The following FAAH2 variants were observed in gnomAD, a reference collection of about 807,000 sequenced individuals.
FAAH2 encodes fatty acid amide hydrolase 2.
FAAH2 carries 60 observed loss-of-function variants against 36.9 expected under a neutral mutation model. The observed-to-expected ratio is 1.63, with a 90% confidence interval of 1.32 to 2.02. The LOEUF is 2.02. Among genes scored for constraint, FAAH2 ranks in the 30% most tolerant of loss-of-function variants. The pLI is 0.00. For missense variants in FAAH2, 689 were observed against 397.5 expected, an observed-to-expected ratio of 1.73 and a Z score of -6.23; for synonymous variants, 214 against 143.8, an observed-to-expected ratio of 1.49 and a Z score of -3.49.
chrX:57,321,108 C>A (rs1311081555), intron 3 of FAAH2, among the ~76,000 whole-genome samples: 4 of 107,841 alleles, frequency 3.7e-5, no homozygotes, highest in Non-Finnish European at 7.7e-5. Flanking sequence ...CCACTGCACT[C>A]CAGCCTGGGT....
chrX:57,131,496 G>A, the FAAH2 span, among the ~76,000 whole-genome samples: 1 of 112,030 alleles, frequency 8.9e-6, no homozygotes, highest in Non-Finnish European at 1.9e-5. Context: ...TTGTGTTTGG[G>A]TGAAATATTA....
intron 2 of FAAH2, among the ~76,000 whole-genome samples, chrX:57,306,226 G>C (rs1000860030): frequency 1.8e-5 from 2 of 111,810 alleles, no homozygotes; most frequent in African/African-American, 6.5e-5. Flanking sequence ...TCCCCAAGTA[G>C]ACAGTATGTA....
intron 10 of FAAH2, among the ~76,000 whole-genome samples, chrX:57,481,313 G>A (rs1291359898): frequency 2.7e-5 from 3 of 111,014 alleles, no homozygotes; most frequent in Non-Finnish European, 5.7e-5. Context: ...TTTTGGAGAA[G>A]AGGCTTTCTG....
At chrX:57,464,018 G>T (rs755381485) in intron 10 of FAAH2, among the ~76,000 whole-genome samples, 1 of 111,939 alleles carries the variant, frequency 8.9e-6, no homozygotes, top group Non-Finnish European at 1.9e-5. Context: ...GCCCATCAAT[G>T]ATAGATTGGA....
intron 7 of FAAH2, among the ~76,000 whole-genome samples, chrX:57,391,560 C>T (rs2055167300): frequency 9.0e-6 from 1 of 110,572 alleles, no homozygotes; most frequent in African/African-American, 3.3e-5. Flanking sequence ...CTCTTTATTG[C>T]TATTCAGTAA....
chrX:57,377,143 C>A (rs897735021), intron 5 of FAAH2, among the ~76,000 whole-genome samples: 6 of 111,813 alleles, frequency 5.4e-5, no homozygotes, highest in African/African-American at 1.9e-4. Context: ...TGTGCAGAAG[C>A]TCTTTAATTA....
intron 1 of FAAH2, 64 bp from the exon 2 acceptor site, chrX:57,292,434 A>C: frequency 9.8e-7 from 1 of 1,017,040 alleles, no homozygotes; most frequent in Non-Finnish European, 1.4e-6. Flanking sequence ...TCTTTCAGGA[A>C]ATACTTGTTG....
intron 5 of FAAH2, among the ~76,000 whole-genome samples, chrX:57,370,427 A>T (rs779484868): frequency 9.0e-6 from 1 of 111,638 alleles, no homozygotes; most frequent in East Asian, 2.8e-4. Context: ...AAAGGATATA[A>T]CAATTGTTAA....
chrX:57,312,432 G>A (rs763063836), intron 3 of FAAH2, among the ~76,000 whole-genome samples: 2 of 111,478 alleles, frequency 1.8e-5, no homozygotes, highest in African/African-American at 6.5e-5. Context: ...CAGCACTTTG[G>A]GAGGCCGAGG....
At chrX:57,200,761 TG>T in the FAAH2 span, among the ~76,000 whole-genome samples, 1 of 112,106 alleles carries the variant, frequency 8.9e-6, no homozygotes, top group Non-Finnish European at 1.9e-5. Context: ...TATTTTTGAT[TG>T]GTTCATCATT....
At chrX:57,472,791 A>T (rs180933077) in intron 10 of FAAH2, among the ~76,000 whole-genome samples, 1 of 109,892 alleles carries the variant, frequency 9.1e-6, no homozygotes, top group African/African-American at 3.3e-5. Context: ...TTTTCTCTAG[A>T]TTTTCTAGTT....
At chrX:57,144,630 T>A in the FAAH2 span, among the ~76,000 whole-genome samples, 2 of 110,173 alleles carry the variant, frequency 1.8e-5, no homozygotes, top group Non-Finnish European at 3.8e-5. Flanking sequence ...CCCGAGCAGT[T>A]TACACTGAAC....
intron 2 of FAAH2, among the ~76,000 whole-genome samples, chrX:57,296,405 G>A (rs780554378): frequency 1.8e-5 from 2 of 111,759 alleles, no homozygotes; most frequent in African/African-American, 6.5e-5. Flanking sequence ...ACTGTTACAA[G>A]GAAAACTAAC....
chrX:57,416,333 A>G (rs887023391), intron 7 of FAAH2, among the ~76,000 whole-genome samples: 6 of 111,295 alleles, frequency 5.4e-5, no homozygotes, highest in Non-Finnish European at 9.4e-5. Flanking sequence ...GATGGTCTTT[A>G]CAATTTTGTA....
the FAAH2 span, among the ~76,000 whole-genome samples, chrX:57,245,631 G>A: frequency 8.9e-6 from 1 of 112,103 alleles, no homozygotes; most frequent in South Asian, 3.7e-4. Context: ...TGACTACTGG[G>A]TAAATAATGA....
At chrX:57,380,406 A>G (rs1238284505) in intron 6 of FAAH2, among the ~76,000 whole-genome samples, 1 of 111,434 alleles carries the variant, frequency 9.0e-6, no homozygotes, top group Admixed American at 9.6e-5. Flanking sequence ...GAGACTCAAT[A>G]TATCTAAAAC....
chrX:57,305,704 T>C (rs2052502690), intron 2 of FAAH2, among the ~76,000 whole-genome samples: 1 of 111,789 alleles, frequency 8.9e-6, no homozygotes, highest in South Asian at 3.7e-4. Flanking sequence ...TTCAGCTTTA[T>C]CTTGTGCCAT....
At chrX:57,358,166 TTA>T (rs2054206094) in intron 5 of FAAH2, among the ~76,000 whole-genome samples, 4 of 110,573 alleles carry the variant, frequency 3.6e-5, no homozygotes, top group African/African-American at 6.6e-5. Context: ...TTTTTTTTTT[TTA>T]AATTTTATTT....
chrX:57,416,251 G>C (rs915006640), intron 7 of FAAH2, among the ~76,000 whole-genome samples: 1 of 111,338 alleles, frequency 9.0e-6, no homozygotes, highest in African/African-American at 3.3e-5. Context: ...TGTTATGTGC[G>C]AATTTGATCC....
Sources: gnomAD v4.1 joint callset for allele counts (sites outside exome capture counted in the v4.1 genomes callset) on GRCh38, gnomAD v4.1.1 for gene constraint, MANE v1.5 for transcripts, NCBI Gene and HGNC (gene_info 2026-07-23, HGNC 2026-07-21) for gene names.